Variants in REV1 observed in about 807,000 individuals in gnomAD.
REV1 encodes REV1 DNA directed polymerase.
In REV1, 42 loss-of-function variants were observed where a neutral mutation model predicts 137.4. That is an observed-to-expected ratio of 0.31 (90% CI 0.24 to 0.40). REV1 has a LOEUF of 0.40. REV1 is among the 10% of genes least tolerant of loss of function. The pLI, the probability that REV1 is intolerant of heterozygous loss-of-function variation, is 1.00. For synonymous variants in REV1, 524 were observed against 519.2 expected (o/e 1.01, Z -0.12); for missense variants, 1,282 against 1,490.1 (o/e 0.86, Z 2.30).
At chr2:99,455,621 T>G (rs367772715) in intron 3 of REV1, among the ~76,000 whole-genome samples, 1 of 152,144 alleles carries the variant, frequency 6.6e-6, no homozygotes, top group Non-Finnish European at 1.5e-5. Context: ...CCATCTCTTA[T>G]CTACAAGATG....
In REV1 at chr2:99,410,883, C is replaced by T. The variant is rs202200441; in HGVS notation, c.2173-16G>A. The T allele has an allele frequency of 7.0e-6, 11 of 1,569,194 alleles. No homozygotes were observed. The highest frequency in any genetic ancestry group is 1.7e-4 in the Middle Eastern group (1 of 5,842). On this transcript the variant is annotated splice_polypyrimidine_tract_variant and intron_variant, in intron 13 of 22. Transcript: ENST00000258428. ...CCTCTTTTGGCTATGGAAAGACAAA[C>T]GTGGAGAAACTACCATTCCACTTTC...
intron 12 of REV1, among the ~76,000 whole-genome samples, chr2:99,416,551 C>T (rs1017122877): frequency 9.2e-5 from 14 of 152,278 alleles, no homozygotes; most frequent in Admixed American, 7.2e-4. Context: ...ACTCTGCTGC[C>T]CTATCTTTCA....
intron 3 of REV1, among the ~76,000 whole-genome samples, chr2:99,462,018 G>A (rs762742154): frequency 6.6e-6 from 1 of 152,198 alleles, no homozygotes; most frequent in African/African-American, 2.4e-5. Flanking sequence ...TTCCTAAACT[G>A]TGAGAATTCA....
At chr2:99,429,536 TA>T (rs1046351225) in intron 9 of REV1, among the ~76,000 whole-genome samples, 13 of 151,404 alleles carry the variant, frequency 8.6e-5, no homozygotes, top group South Asian at 8.3e-4. Flanking sequence ...CCTCTTCCAT[TA>T]AAAAAAAATC....
chr2:99,449,254 G>T (rs779977228), intron 4 of REV1, 82 bp downstream of exon 4: 20 of 838,048 alleles, frequency 2.4e-5, no homozygotes, highest in Non-Finnish European at 3.2e-5. Flanking sequence ...GACAAAGCGA[G>T]ACCCTATCTC....
At chr2:99,404,368 G>A (rs1675965380) in intron 18 of REV1, 76 bp downstream of exon 18, 5 of 1,102,838 alleles carry the variant, frequency 4.5e-6, no homozygotes, top group Non-Finnish European at 6.7e-6. Context: ...AGAAAGGGAA[G>A]TGAGACAGGT....
chr2:99,434,248 A>T, intron 8 of REV1, 84 bp downstream of exon 8: 1 of 802,310 alleles, frequency 1.2e-6, no homozygotes, highest in Non-Finnish European at 2.0e-6. Flanking sequence ...CTCTGCACTC[A>T]TTTCTATTAA....
At position 99,438,752 on chromosome 2, in the gene REV1, A is replaced by T; in HGVS notation, c.1062T>A (p.Ser354=). The change falls in exon 6 of 23, where the codon TCT becomes TCA. Residue 354 remains serine (S), a synonymous_variant. Coordinates refer to ENST00000258428, the MANE Select transcript of REV1 (RefSeq NM_016316.4). The part of the protein sequence containing the change: ...SDCNFISNFY[S]HSRLHHISMW... ...TTGATATGTGATGCAGTCTTGAATGAGAATAGAAGTTTGAAATAAAATTGC... is the reference window on the plus strand; with the variant it reads ...TTGATATGTGATGCAGTCTTGAATGTGAATAGAAGTTTGAAATAAAATTGC... 1 of 1,614,214 alleles carries T rather than the reference A, an allele frequency of 6.2e-7. No individual in the cohort carries two copies. The highest frequency in any genetic ancestry group is 1.7e-5 in the Admixed American group (1 of 60,024).
chr2:99,437,092 G>A (rs938747023), intron 6 of REV1, among the ~76,000 whole-genome samples: 6 of 147,532 alleles, frequency 4.1e-5, no homozygotes, highest in African/African-American at 7.5e-5. Flanking sequence ...CAATCCTCCC[G>A]CCTCAGCCTC....
In REV1 at chr2:99,408,144, G is replaced by C; in HGVS notation, c.2346-13C>G. ...AAGAGTTACAGTCCTGTAAGTGATA[G>C]AATTAAAAAACAAAAGCTTCATTCC... On this transcript the variant is annotated splice_polypyrimidine_tract_variant and intron_variant, in intron 14 of 22. Coordinates refer to ENST00000258428, the MANE Select transcript of REV1 (RefSeq NM_016316.4). 2 of 1,535,066 alleles carry C rather than the reference G, an allele frequency of 1.3e-6. No homozygotes were observed. Among genetic ancestry groups the C allele is most frequent in the Middle Eastern group, 3.4e-4 (2 of 5,848 alleles).
Position 99,402,764 on chromosome 2 carries a change from G to A in REV1, c.3421C>T (p.Leu1141Phe), listed in dbSNP as rs768700985. 2.5e-6 allele frequency: 4 copies of A among 1,614,152 alleles called. No homozygotes were observed. The highest frequency in any genetic ancestry group is 3.4e-6 in the Non-Finnish European group (4 of 1,180,034). ...LSASTSGVPG[L>F]SSLQSDPAGC... ...GCTGGGTCAGACTGCAAACTAGAAA[G>A]GCCTGGCACACCTGAAGTAGAAGCA... The change falls in exon 21 of 23, where the codon CTT (leucine) becomes TTT (phenylalanine). Residue 1141 changes from leucine to phenylalanine, a missense_variant. Physicochemically the swap from Leu to Phe is conservative, Grantham distance 22. Coordinates refer to ENST00000258428, the MANE Select transcript of REV1 (RefSeq NM_016316.4).
chr2:99,421,546 C>T lies in REV1; in HGVS notation c.1784G>A (p.Arg595His), dbSNP rs766174901. 2.5e-6 allele frequency: 4 copies of T among 1,614,004 alleles called. No homozygotes were observed. Among genetic ancestry groups the T allele is most frequent in the Admixed American group, 1.7e-5 (1 of 60,004 alleles). The part of the protein sequence containing the change: ...LTPDEFANAV[R>H]MEIKDQTKCA... ...TTTCGTCTGGTCTTTGATTTCCATACGAACAGCATTTGCAAATTCATCAGG... is the reference window on the plus strand; with the variant it reads ...TTTCGTCTGGTCTTTGATTTCCATATGAACAGCATTTGCAAATTCATCAGG... Residue 595 changes from arginine (R) to histidine (H), a missense_variant, in exon 11 of 23, where the codon CGT (arginine) becomes CAT (histidine). Physicochemically the swap from Arg to His is conservative, Grantham distance 29. Coordinates refer to ENST00000258428, the MANE Select transcript of REV1 (RefSeq NM_016316.4).
At chr2:99,458,779 CT>C (rs1489194930) in intron 3 of REV1, among the ~76,000 whole-genome samples, 2 of 152,230 alleles carry the variant, frequency 1.3e-5, no homozygotes, top group African/African-American at 4.8e-5. Flanking sequence ...AGGTTATATG[CT>C]GTATGTTTTA....
chr2:99,412,750 T>C lies in REV1; in HGVS notation c.2153A>G (p.Tyr718Cys). Residue 718 changes from tyrosine to cysteine, a missense_variant, in exon 13 of 23, where the codon TAT (tyrosine) becomes TGT (cysteine). Around this residue, in one of 7 missense-constraint regions of REV1, gnomAD observed 372 missense variants for 482.3 expected, o/e 0.77. Coordinates refer to ENST00000258428, the MANE Select transcript of REV1 (RefSeq NM_016316.4). The stretch of plus-strand genomic sequence containing the variant: ...CAGTACCTGAGTAAACCTTATTCCA[T>C]AGTTGATCTCAGCTGAAACAGATTT... Reference protein sequence around the residue: ...ERKSVSAEINYGIRFTQPKEA... With the variant: ...ERKSVSAEINCGIRFTQPKEA... 2.0e-5 allele frequency: 33 copies of C among 1,613,800 alleles called. No homozygotes were observed. The highest frequency in any genetic ancestry group is 2.7e-5 in the Non-Finnish European group (32 of 1,179,650).
At chr2:99,427,692 A>C (rs1176859916) in intron 9 of REV1, among the ~76,000 whole-genome samples, 3 of 152,190 alleles carry the variant, frequency 2.0e-5, no homozygotes, top group African/African-American at 4.8e-5. Flanking sequence ...TCCAGAAACT[A>C]TTTTCTAGAA....
At chr2:99,490,091 C>CCGCCCACGCCCCCTCCGCGGCCA (rs1319458553), upstream of REV1, 15 of 149,662 alleles carry the variant, frequency 1.0e-4, no homozygotes, top group East Asian at 2.5e-3. Flanking sequence ...CTCCCCGGCC[C>CCGCCCACGCCCCCTCCGCGGCCA]CGCTCGCGCT....
chr2:99,462,944 C>G (rs185538933), intron 2 of REV1, among the ~76,000 whole-genome samples: 1 of 151,544 alleles, frequency 6.6e-6, no homozygotes, highest in Non-Finnish European at 1.5e-5. Context: ...AAAAATTAGC[C>G]GGGTGCAGTG....
rs184754511 is a variant in REV1, at chr2:99,481,251, C to T, written c.-11+8566G>A. Among the ~76,000 whole-genome samples the T allele has an allele frequency of 3.3e-5, 5 of 152,228 alleles. No homozygotes were observed. In the East Asian group the frequency reaches 9.6e-4, roughly 29 times the overall value. ...TAAAAGTACAAATTCAAGACCAATACCAAAATTCAGATTTTTTACAGCCAA... is the reference window on the plus strand; with the variant it reads ...TAAAAGTACAAATTCAAGACCAATATCAAAATTCAGATTTTTTACAGCCAA... On this transcript the variant is annotated intron_variant, in intron 1 of 22. Coordinates refer to ENST00000258428, the MANE Select transcript of REV1 (RefSeq NM_016316.4).
intron 3 of REV1, among the ~76,000 whole-genome samples, chr2:99,457,937 T>TA (rs60024285): frequency 6.1e-4 from 87 of 143,602 alleles, no homozygotes; most frequent in Non-Finnish European, 8.2e-4. Context: ...AATCCACAAA[T>TA]AAAAAAAAAA....
Sources: gnomAD v4.1 joint callset for allele counts (sites outside exome capture counted in the v4.1 genomes callset) on GRCh38, gnomAD v4.1.1 for gene constraint, gnomAD v4.1.1 regional missense constraint, MANE v1.5 for transcripts, NCBI Gene and HGNC (gene_info 2026-07-23, HGNC 2026-07-21) for gene names.